NDUFS1: variants seen among roughly 807,000 people sequenced by gnomAD.
NDUFS1 encodes the protein NADH:ubiquinone oxidoreductase core subunit S1.
NDUFS1 carries 61 observed loss-of-function variants against 84.4 expected under a neutral mutation model. That is an observed-to-expected ratio of 0.72 (90% confidence interval 0.59 to 0.89). NDUFS1 has a LOEUF of 0.89. Ranked by LOEUF, NDUFS1 falls within the 40% of genes least tolerant of loss-of-function variation. The probability of loss-of-function intolerance (pLI) is 0.00; values close to 1 mark genes in which losing one functional copy is unlikely to be tolerated. For missense variants in NDUFS1, 891 were observed against 890.0 expected (o/e 1.00, Z -0.01); for synonymous variants, 275 against 290.0 (o/e 0.95, Z 0.53).
intron 12 of NDUFS1, among the ~76,000 whole-genome samples, chr2:206,140,444 C>T (rs1691893243): frequency 6.6e-6 from 1 of 152,178 alleles, no homozygotes; most frequent in African/African-American, 2.4e-5. Context: ...GCAGAGGATA[C>T]AGTGACCCGA....
Position 206,116,312 on chromosome 2 carries a change from T to G in NDUFS1, c.*7873A>C, listed in dbSNP as rs1413004244. 2.2e-6 allele frequency: 2 copies of G among 907,076 alleles called. No individual in the cohort carries two copies. Among genetic ancestry groups the G allele is most frequent in the African/African-American group, 1.6e-5 (1 of 61,540 alleles). 56.2% of individuals were successfully genotyped at this position (907,076 alleles called of 1,614,324 possible). On this transcript the variant is annotated 3_prime_UTR_variant, in exon 19 of 19. Transcript: ENST00000233190. ...AGGAGAATAGAGTTCACTAGCAGCT[T>G]TCACACTCTCCAAAGCACCAAACTC... is the stretch of plus-strand genomic sequence containing the variant.
intron 10 of NDUFS1, among the ~76,000 whole-genome samples, chr2:206,143,774 A>G (rs550153330): frequency 6.6e-6 from 1 of 152,276 alleles, no homozygotes; most frequent in African/African-American, 2.4e-5. Context: ...ATAATTGCTG[A>G]ATTGTGCAAC....
rs1211980570 is a variant in NDUFS1 at position 206,121,099 on chromosome 2, T to C, written c.*3086A>G. 1 of 152,254 alleles carries C rather than the reference T, an allele frequency of 6.6e-6. No homozygotes were observed. Among genetic ancestry groups the C allele is most frequent in the African/African-American group, 2.4e-5 (1 of 41,470 alleles). 9.4% of individuals were successfully genotyped at this position (152,254 alleles called of 1,614,324 possible). ...CTATTAGCAGAGATTTTGTGAAGAA[T>C]AGTCTTAATGTATTTAAAGCTTTAA... On this transcript the variant is annotated 3_prime_UTR_variant, in exon 19 of 19. Coordinates refer to ENST00000233190, the MANE Select transcript of NDUFS1 (RefSeq NM_005006.7).
intron 3 of NDUFS1, among the ~76,000 whole-genome samples, chr2:206,152,095 G>A (rs189151825): frequency 3.9e-5 from 6 of 152,260 alleles, no homozygotes; most frequent in South Asian, 2.1e-4. Flanking sequence ...TAGAACTCCT[G>A]AATGATCCGC....
In NDUFS1 at chr2:206,124,047, A is replaced by G; in HGVS notation, c.*138T>C. 2 of 653,902 alleles carry G rather than the reference A, an allele frequency of 3.1e-6. No homozygotes were observed. Among genetic ancestry groups the G allele is most frequent in the South Asian group, 1.9e-5 (1 of 52,322 alleles). 40.5% of individuals were successfully genotyped at this position (653,902 alleles called of 1,614,324 possible). A position where few individuals can be genotyped will look rare whatever the true frequency, so the allele number is the denominator to read the frequency against. ...TTGATAACTAATATCATTTTCAAAT[A>G]GGCATAGTATAACCTTAAATATTAC... On this transcript the variant is annotated 3_prime_UTR_variant, in exon 19 of 19. Coordinates refer to ENST00000233190, the MANE Select transcript of NDUFS1 (RefSeq NM_005006.7).
At chr2:206,148,536 G>T (rs1036370082) in intron 5 of NDUFS1, among the ~76,000 whole-genome samples, 2 of 152,018 alleles carry the variant, frequency 1.3e-5, no homozygotes, top group South Asian at 4.1e-4. Context: ...TGTAATCCCA[G>T]AACTATGGGA....
chr2:206,118,531 T>A lies in NDUFS1; in HGVS notation c.*5654A>T, dbSNP rs1691013768. 6.6e-6 allele frequency: 1 copy of A among 152,044 alleles called. No individual in the cohort carries two copies. Among genetic ancestry groups the A allele is most frequent in the South Asian group, 2.1e-4 (1 of 4,810 alleles). 9.4% of individuals were successfully genotyped at this position (152,044 alleles called of 1,614,324 possible). On this transcript the variant is annotated 3_prime_UTR_variant, in exon 19 of 19. Coordinates refer to ENST00000233190, the MANE Select transcript of NDUFS1 (RefSeq NM_005006.7). ...GTCCCAGCCACTTGGGAGACTGAAG[T>A]GGGAGGATGGCTTGAGCCCAGGAGA...
chr2:206,131,492 C>A (rs1396816332), intron 14 of NDUFS1, among the ~76,000 whole-genome samples: 1 of 152,096 alleles, frequency 6.6e-6, no homozygotes, highest in African/African-American at 2.4e-5. Context: ...TATAATTTCA[C>A]CTATGTAACT....
chr2:206,138,707 A>G, intron 12 of NDUFS1, 93 bp from the exon 13 acceptor site: 1 of 1,308,406 alleles, frequency 7.6e-7, no homozygotes. Flanking sequence ...TTACTATTAC[A>G]AAATGTTAAA....
rs1692060318 is a variant in NDUFS1 at position 206,143,947 on chromosome 2, C to CT, written c.987+70_987+71insA. ...GTAAAAAAGGGAAGAAATATACATC[C>CT]CCCCCTTCATGGCAAAGATGTTTCT... On this transcript the variant is annotated intron_variant, in intron 10 of 18. Transcript: ENST00000233190. The CT allele has an allele frequency of 2.5e-6, 3 of 1,202,342 alleles. No homozygotes were observed. In the East Asian group the frequency reaches 7.0e-5, roughly 28 times the overall value. The allele number at this position is 1,202,342 out of a possible 1,614,324, so 74.5% of individuals were successfully genotyped here.
Position 206,159,194 on chromosome 2 carries a change from CAG to C in NDUFS1, c.-5+145_-5+146del, listed in dbSNP as rs201275219. ...TAAAAGCCCCCCATCTGCCGGCTCT[CAG>C]GGGCTTCCGAGGCGGCGGGGCGGGA... On this transcript the variant is annotated intron_variant, in intron 1 of 18. Transcript: ENST00000233190. 1,039 of 1,520,630 alleles carry C rather than the reference CAG, an allele frequency of 6.8e-4. 17 individuals are homozygous for C. In the East Asian group the frequency reaches 0.02, roughly 29 times the overall value. The allele number at this position is 1,520,630 out of a possible 1,614,324, so 94.2% of individuals were successfully genotyped here. A position where few individuals can be genotyped will look rare whatever the true frequency, so the allele number is the denominator to read the frequency against.
At chr2:206,138,673 A>T in intron 12 of NDUFS1, 59 bp from the exon 13 acceptor site, 1 of 1,533,128 alleles carries the variant, frequency 6.5e-7, no homozygotes, top group South Asian at 1.1e-5. Flanking sequence ...TACTGGTCTC[A>T]TCAATCCTAA....
Position 206,159,333 on chromosome 2 carries a change from G to A in NDUFS1, c.-5+8C>T. On this transcript the variant is annotated splice_region_variant and intron_variant, in intron 1 of 18. Coordinates refer to ENST00000233190, the MANE Select transcript of NDUFS1 (RefSeq NM_005006.7). ...CACCTCACCCTTCCCATCCATACAA[G>A]ACCTCACCTTCTCCCCGGAGCCGCG... The A allele has an allele frequency of 1.6e-6, 1 of 615,312 alleles. No individual in the cohort carries two copies. The highest frequency in any genetic ancestry group is 2.9e-6 in the Non-Finnish European group (1 of 346,624). The allele number at this position is 615,312 out of a possible 1,614,324, so 38.1% of individuals were successfully genotyped here.
chr2:206,159,163 C>T, intron 1 of NDUFS1, 178 bp downstream of exon 1: 1 of 1,535,532 alleles, frequency 6.5e-7, no homozygotes, highest in African/African-American at 1.4e-5. Context: ...GACCAGAGAC[C>T]GTGGCTAAAA....
chr2:206,124,817 C>T (rs990643801), intron 18 of NDUFS1, among the ~76,000 whole-genome samples: 6 of 151,570 alleles, frequency 4.0e-5, no homozygotes, highest in Non-Finnish European at 7.4e-5. Flanking sequence ...CTAGCCTGGG[C>T]GACAGAGCAA....
rs1229236149 is a variant in NDUFS1, at chr2:206,147,104, T to C, written c.552-16A>G. The C allele has an allele frequency of 1.2e-6, 2 of 1,613,844 alleles. No individual in the cohort carries two copies. Among genetic ancestry groups the C allele is most frequent in the Non-Finnish European group, 1.7e-6 (2 of 1,179,820 alleles). On this transcript the variant is annotated splice_polypyrimidine_tract_variant and intron_variant, in intron 7 of 18. Transcript: ENST00000233190. ...ACTTGCAAACCTACAAGATAAAAAATGTGTCATCAATGGTCAAGTCCAGCA... is the reference window on the plus strand; with the variant it reads ...ACTTGCAAACCTACAAGATAAAAAACGTGTCATCAATGGTCAAGTCCAGCA...
In NDUFS1 at chr2:206,126,709, C is replaced by A. The variant is rs749258377; in HGVS notation, c.2019+1G>T. The A allele has an allele frequency of 1.9e-6, 3 of 1,614,092 alleles. No homozygotes were observed. The highest frequency in any genetic ancestry group is 2.5e-6 in the Non-Finnish European group (3 of 1,180,010). On this transcript the variant is annotated splice_donor_variant, in intron 17 of 18. Coordinates refer to ENST00000233190, the MANE Select transcript of NDUFS1 (RefSeq NM_005006.7). LOFTEE classifies it high-confidence loss of function. ...AAAACTGCTCATAGGCGAGCTGTTA[C>A]CTTTGAGAGCTCATTTGCTTGCTGG...
At position 206,115,571 on chromosome 2, in the gene NDUFS1, T is replaced by G. The variant is rs1575929377; in HGVS notation, c.*8614A>C. On this transcript the variant is annotated 3_prime_UTR_variant, in exon 19 of 19. Coordinates refer to ENST00000233190, the MANE Select transcript of NDUFS1 (RefSeq NM_005006.7). ...ATTTTTTTTTTTTTTAACGAAGAAG[T>G]GAGTATTTTATTATTTTGCTGTACA... is the stretch of plus-strand genomic sequence containing the variant. The G allele has an allele frequency of 5.7e-6, 1 of 174,120 alleles. No individual in the cohort carries two copies. Among genetic ancestry groups the G allele is most frequent in the Non-Finnish European group, 1.2e-5 (1 of 83,088 alleles). 10.8% of individuals were successfully genotyped at this position (174,120 alleles called of 1,614,324 possible).
At chr2:206,141,632 C>T (rs1691959975) in intron 12 of NDUFS1, among the ~76,000 whole-genome samples, 1 of 147,872 alleles carries the variant, frequency 6.8e-6, no homozygotes, top group South Asian at 2.1e-4. Context: ...GTGGCTCACA[C>T]CTGAAATCCC....
Sources: allele counts gnomAD v4.1 joint callset (sites outside exome capture counted in the v4.1 genomes callset), GRCh38; gene constraint gnomAD v4.1.1; transcripts MANE v1.5; gene names NCBI Gene and HGNC (gene_info 2026-07-23, HGNC 2026-07-21).